YY1: variants seen among roughly 807,000 people sequenced by gnomAD.
YY1 encodes the protein YY1 transcription factor.
A neutral mutation model predicts 35.6 loss-of-function variants in YY1; 2 were observed. The ratio of observed to expected loss-of-function variants is 0.06; its 90% CI spans 0.02 to 0.18. YY1 has a LOEUF of 0.18. Among genes scored for constraint, YY1 ranks in the 10% least tolerant of loss-of-function variants. The pLI, the probability that YY1 is intolerant of heterozygous loss-of-function variation, is 1.00. For missense variants in YY1, 322 were observed against 573.4 expected (o/e 0.56, Z 4.48); for synonymous variants, 268 against 238.9 (o/e 1.12, Z -1.12).
At chr14:100,263,837 T>G (rs1891117186) in intron 2 of YY1, 1 of 152,122 alleles carries the variant, frequency 6.6e-6, no homozygotes. Context: ...GGAGCTCGTT[T>G]CCCCACCTGT....
intron 2 of YY1, among the ~76,000 whole-genome samples, chr14:100,263,065 G>C (rs1891106617): frequency 6.6e-6 from 1 of 152,250 alleles, no homozygotes; most frequent in Admixed American, 6.5e-5. Context: ...GTGCCACCAC[G>C]CCCAGCCAAT....
At chr14:100,249,393 T>A (rs1890888169) in intron 1 of YY1, among the ~76,000 whole-genome samples, 1 of 152,104 alleles carries the variant, frequency 6.6e-6, no homozygotes, top group African/African-American at 2.4e-5. Context: ...GTTCTGGGAT[T>A]ACAGGCGTGA....
Position 100,280,223 on chromosome 14 carries a change from C to T in YY1, c.*2623C>T, listed in dbSNP as rs150952803. The T allele has an allele frequency of 1.8e-4, 28 of 152,234 alleles. No homozygotes were observed. The East Asian group carries it at 2.1e-3, about 12-fold the overall frequency. 9.4% of individuals were successfully genotyped at this position (152,234 alleles called of 1,614,324 possible). On this transcript the variant is annotated 3_prime_UTR_variant, in exon 5 of 5. Coordinates refer to ENST00000262238, the MANE Select transcript of YY1 (RefSeq NM_003403.5). ...TGGTTAGAATTTATAATTTTGCTAA[C>T]GATGTAATTTACTAAGGTTTGAAAT... is the stretch of plus-strand genomic sequence containing the variant.
intron 1 of YY1, among the ~76,000 whole-genome samples, chr14:100,258,699 G>C (rs1275046497): frequency 2.0e-5 from 3 of 152,138 alleles, no homozygotes; most frequent in Non-Finnish European, 2.9e-5. Flanking sequence ...ACCCTGAGCA[G>C]GTTACTTAAC....
At chr14:100,255,625 AAAATAAAT>A (rs1290652976) in intron 1 of YY1, among the ~76,000 whole-genome samples, 1 of 152,334 alleles carries the variant, frequency 6.6e-6, no homozygotes, top group East Asian at 1.9e-4. Context: ...CATCTCAGGA[AAAATAAAT>A]AAATAAATAA....
chr14:100,239,434 G>A lies in YY1; in HGVS notation c.190G>A (p.Gly64Ser). ...CGGTGGCGACCACGGCGGCGGGGGC[G>A]GCCACGGGCACGCCGGCCACCACCA... ...GGGGDHGGGG[G>S]HGHAGHHHHH... The change falls in exon 1 of 5, where the codon GGC becomes AGC. Residue 64 changes from glycine to serine, a missense_variant. By Grantham distance (56) the Gly-to-Ser change is moderately conservative. Around this residue, in one of 4 missense-constraint regions of YY1, gnomAD observed 137 missense variants for 167.0 expected, o/e 0.82. Transcript: ENST00000262238. The A allele has an allele frequency of 1.3e-6, 2 of 1,593,646 alleles. No individual in the cohort carries two copies. The highest frequency in any genetic ancestry group is 2.7e-5 in the African/African-American group (2 of 73,812).
intron 1 of YY1, among the ~76,000 whole-genome samples, chr14:100,242,378 GTT>G (rs57406488): frequency 0.21 from 22,612 of 109,260 alleles, 3,128 homozygotes; most frequent in Middle Eastern, 0.33. Context: ...TTTGTTTTTT[GTT>G]TTTTTTTTTT....
chr14:100,261,646 A>G (rs190636309), intron 1 of YY1, among the ~76,000 whole-genome samples: 2 of 152,290 alleles, frequency 1.3e-5, no homozygotes, highest in Admixed American at 1.3e-4. Flanking sequence ...AATTTTAGTC[A>G]ATGGAAATTG....
intron 1 of YY1, among the ~76,000 whole-genome samples, chr14:100,250,668 T>C (rs187246976): frequency 1.1e-4 from 16 of 152,234 alleles, no homozygotes; most frequent in African/African-American, 3.6e-4. Context: ...AGTACTGGCA[T>C]TTTTCAGCCA....
chr14:100,277,949 A>G lies in YY1; in HGVS notation c.*349A>G. The G allele has an allele frequency of 3.9e-6, 1 of 256,586 alleles. No individual in the cohort carries two copies. The highest frequency in any genetic ancestry group is 7.6e-6 in the Non-Finnish European group (1 of 131,956). The allele number at this position is 256,586 out of a possible 1,614,324, so 15.9% of individuals were successfully genotyped here. A position where few individuals can be genotyped will look rare whatever the true frequency, so the allele number is the denominator to read the frequency against. ...TTCTTTTCACATTCTTATAAATATG[A>G]AGCTCACCTGTTGCTTACAATTTTT... On this transcript the variant is annotated 3_prime_UTR_variant, in exon 5 of 5. Coordinates refer to ENST00000262238, the MANE Select transcript of YY1 (RefSeq NM_003403.5). The surrounding 1 kb of genome is among the most constrained non-coding windows in gnomAD (Gnocchi z 5.6).
At chr14:100,254,700 G>A (rs900789936) in intron 1 of YY1, among the ~76,000 whole-genome samples, 18 of 151,944 alleles carry the variant, frequency 1.2e-4, no homozygotes, top group African/African-American at 4.3e-4. Flanking sequence ...TAGGTGATCA[G>A]CCCACCTTGG....
At position 100,277,908 on chromosome 14, in the gene YY1, G is replaced by C. The variant is rs1279017550; in HGVS notation, c.*308G>C. Reference sequence around the variant, plus strand: ...TCAAAAGACAATTCTTTATACAACAGTGCTAAAAATGGGACTTCTTTTCAC... The same window carrying C: ...TCAAAAGACAATTCTTTATACAACACTGCTAAAAATGGGACTTCTTTTCAC... On this transcript the variant is annotated 3_prime_UTR_variant, in exon 5 of 5. Transcript: ENST00000262238. This position sits in a 1 kb window ranked among gnomAD's most constrained non-coding sequence, Gnocchi z 5.6. 5.0e-5 allele frequency: 16 copies of C among 322,898 alleles called. No individual in the cohort carries two copies. Among genetic ancestry groups the C allele is most frequent in the African/African-American group, 3.0e-4 (14 of 46,284 alleles). The allele number at this position is 322,898 out of a possible 1,614,324, so 20.0% of individuals were successfully genotyped here.
Position 100,275,389 on chromosome 14 carries a change from C to A in YY1, c.903+631C>A, listed in dbSNP as rs78077282. ...TCGGAGCAGGCTACATTTAGTTTCA[C>A]GGTCTCTTCCCTGTAATGACTGTGC... On this transcript the variant is annotated intron_variant, in intron 3 of 4. Transcript: ENST00000262238. 3.0e-3 allele frequency among the ~76,000 whole-genome samples: 451 copies of A among 152,254 alleles called. 4 individuals carry two copies. The highest frequency in any genetic ancestry group is 1.0e-2 in the African/African-American group (415 of 41,548).
At chr14:100,272,793 T>C (rs1185264442) in intron 2 of YY1, among the ~76,000 whole-genome samples, 1 of 152,032 alleles carries the variant, frequency 6.6e-6, no homozygotes, top group Non-Finnish European at 1.5e-5. Context: ...TATGTAGTCT[T>C]TTATCCCACA....
At chr14:100,255,032 C>T (rs532672160) in intron 1 of YY1, among the ~76,000 whole-genome samples, 36 of 129,464 alleles carry the variant, frequency 2.8e-4, no homozygotes, top group South Asian at 1.6e-3. Context: ...CTACTGACCT[C>T]GTGATCCACC....
chr14:100,249,761 T>TTG (rs1890896302), intron 1 of YY1, among the ~76,000 whole-genome samples: 2 of 26,788 alleles, frequency 7.5e-5, no homozygotes, highest in Admixed American at 3.6e-4. Context: ...TTTTTTTTTG[T>TTG]TTGTTTTTGT....
At chr14:100,260,813 A>G (rs1250109687) in intron 1 of YY1, among the ~76,000 whole-genome samples, 100 of 67,050 alleles carry the variant, frequency 1.5e-3, no homozygotes, top group East Asian at 4.5e-3. Context: ...TTTTTTTTGG[A>G]GGCAGAGTCT....
Position 100,274,771 on chromosome 14 carries a change from A to G in YY1, c.903+13A>G. On this transcript the variant is annotated intron_variant, in intron 3 of 4. Coordinates refer to ENST00000262238, the MANE Select transcript of YY1 (RefSeq NM_003403.5). ...TTGCCCTCATAAAGTAAGTAATGCT[A>G]GAGGGAGAGTGTTCATTAAACTGTT... is the stretch of plus-strand genomic sequence containing the variant. 1.2e-6 allele frequency: 2 copies of G among 1,611,576 alleles called. No homozygotes were observed. The highest frequency in any genetic ancestry group is 2.7e-5 in the African/African-American group (2 of 75,004).
chr14:100,282,509 G>A lies in YY1; in HGVS notation c.*4909G>A, dbSNP rs1174184003. The A allele has an allele frequency of 1.3e-5, 2 of 152,142 alleles. No homozygotes were observed. The highest frequency in any genetic ancestry group is 4.8e-5 in the African/African-American group (2 of 41,418). The allele number at this position is 152,142 out of a possible 1,614,324, so 9.4% of individuals were successfully genotyped here. A position where few individuals can be genotyped will look rare whatever the true frequency, so the allele number is the denominator to read the frequency against. ...ATCAACAGGTGGTGAGAAAAATTATGTTTTTATTCGCTTTCTGGTAACTTC... is the reference window on the plus strand; with the variant it reads ...ATCAACAGGTGGTGAGAAAAATTATATTTTTATTCGCTTTCTGGTAACTTC... On this transcript the variant is annotated 3_prime_UTR_variant, in exon 5 of 5. Transcript: ENST00000262238.
Sources: gnomAD v4.1 joint callset for allele counts (sites outside exome capture counted in the v4.1 genomes callset) on GRCh38, gnomAD v4.1.1 for gene constraint, gnomAD v4.1.1 regional missense constraint, Gnocchi (gnomAD v3.1) non-coding constraint, MANE v1.5 for transcripts, NCBI Gene and HGNC (gene_info 2026-07-23, HGNC 2026-07-21) for gene names.